The following NLGN1 variants were observed in gnomAD, a reference collection of about 807,000 sequenced individuals.
NLGN1 encodes neuroligin-1.
In NLGN1, 12 loss-of-function variants were observed where a neutral mutation model predicts 65.5. The ratio of observed to expected loss-of-function variants is 0.18; its 90% confidence interval spans 0.12 to 0.30. NLGN1 has a LOEUF of 0.30. NLGN1 is among the 10% of genes least tolerant of loss of function. NLGN1 has a pLI of 1.00. For synonymous variants in NLGN1, 350 were observed against 359.5 expected (o/e 0.97, Z 0.30); for missense variants, 750 against 1,007.1 (o/e 0.74, Z 3.46).
intron 4 of NLGN1, among the ~76,000 whole-genome samples, chr3:174,017,357 T>C (rs930438164): frequency 1.3e-5 from 2 of 152,180 alleles, no homozygotes; most frequent in Non-Finnish European, 2.9e-5. Context: ...CAGACATGTA[T>C]ACCTTAATTG....
chr3:173,881,430 T>G (rs947125647), intron 4 of NLGN1, among the ~76,000 whole-genome samples: 37 of 139,082 alleles, frequency 2.7e-4, no homozygotes, highest in African/African-American at 9.4e-4. Flanking sequence ...TTTTTTTTTT[T>G]TTTTTTTTTT....
At chr3:173,762,947 G>C (rs1778203036) in intron 3 of NLGN1, among the ~76,000 whole-genome samples, 2 of 136,336 alleles carry the variant, frequency 1.5e-5, no homozygotes, top group Admixed American at 1.5e-4. Context: ...CAATGGGATT[G>C]TGTAAATTTG....
intron 2 of NLGN1, among the ~76,000 whole-genome samples, chr3:173,490,649 A>G (rs1728965609): frequency 6.6e-6 from 1 of 152,158 alleles, no homozygotes; most frequent in Non-Finnish European, 1.5e-5. Context: ...TAGTAGCTTG[A>G]TGGAGATGGC....
chr3:174,157,578 A>G (rs1307934721), intron 4 of NLGN1, among the ~76,000 whole-genome samples: 1 of 151,832 alleles, frequency 6.6e-6, no homozygotes, highest in African/African-American at 2.4e-5. Flanking sequence ...TGCCTAACAC[A>G]ATGATGGTCT....
intron 3 of NLGN1, among the ~76,000 whole-genome samples, chr3:173,699,783 A>G (rs35458768): frequency 0.22 from 34,061 of 152,212 alleles, 4,382 homozygotes; most frequent in East Asian, 0.35. Context: ...TAATTTTTTG[A>G]GGACTGGTGA....
intron 3 of NLGN1, among the ~76,000 whole-genome samples, chr3:173,770,562 G>A (rs1479567631): frequency 2.0e-5 from 3 of 152,064 alleles, no homozygotes; most frequent in African/African-American, 2.4e-5. Context: ...TAAAATTTTA[G>A]TTCAGTGCTG....
At chr3:173,747,088 ACACAAACACAC>A (rs1775523104) in intron 3 of NLGN1, among the ~76,000 whole-genome samples, 1 of 149,724 alleles carries the variant, frequency 6.7e-6, no homozygotes, top group African/African-American at 2.5e-5. Context: ...ACACACACAC[ACACAAACACAC>A]ACGTGTGTAT....
At chr3:173,954,512 G>A (rs775583822) in intron 4 of NLGN1, among the ~76,000 whole-genome samples, 1 of 152,088 alleles carries the variant, frequency 6.6e-6, no homozygotes, top group Non-Finnish European at 1.5e-5. Flanking sequence ...TAAACTGTTA[G>A]GTTGAAGTGG....
intron 4 of NLGN1, among the ~76,000 whole-genome samples, chr3:174,080,601 G>A (rs542988900): frequency 3.3e-5 from 5 of 152,032 alleles, no homozygotes; most frequent in Admixed American, 6.6e-5. Context: ...TAATGGAGTC[G>A]TAGGTATGCT....
chr3:173,754,095 G>A (rs1330273187), intron 3 of NLGN1, among the ~76,000 whole-genome samples: 1 of 149,014 alleles, frequency 6.7e-6, no homozygotes. Context: ...CCAGAGCGGG[G>A]TAGTGCAGTG....
chr3:174,116,628 A>T (rs1716544517), intron 4 of NLGN1, among the ~76,000 whole-genome samples: 1 of 152,062 alleles, frequency 6.6e-6, no homozygotes, highest in Non-Finnish European at 1.5e-5. Flanking sequence ...ATGAGTCACC[A>T]TGCCCGCCCA....
intron 4 of NLGN1, among the ~76,000 whole-genome samples, chr3:173,997,102 T>C (rs918411460): frequency 1.3e-5 from 2 of 152,170 alleles, no homozygotes; most frequent in African/African-American, 4.8e-5. Flanking sequence ...ATTATTATAC[T>C]GTGAAACATG....
chr3:173,539,015 T>G (rs1241385493), intron 2 of NLGN1, among the ~76,000 whole-genome samples: 1 of 152,050 alleles, frequency 6.6e-6, no homozygotes, highest in African/African-American at 2.4e-5. Flanking sequence ...AGTTAGTATA[T>G]AATCATACAT....
At chr3:173,621,653 T>A (rs1577582180) in intron 3 of NLGN1, among the ~76,000 whole-genome samples, 1 of 151,986 alleles carries the variant, frequency 6.6e-6, no homozygotes, top group East Asian at 1.9e-4. Context: ...TGACTGGCAG[T>A]GGAAATAAAA....
chr3:173,692,521 A>G (rs929860561), intron 3 of NLGN1, among the ~76,000 whole-genome samples: 3 of 152,234 alleles, frequency 2.0e-5, no homozygotes, highest in East Asian at 1.9e-4. Context: ...GACTTTTTCA[A>G]CTACATTTTT....
At chr3:173,469,385 A>G (rs981004315) in intron 2 of NLGN1, among the ~76,000 whole-genome samples, 12 of 152,070 alleles carry the variant, frequency 7.9e-5, no homozygotes, top group African/African-American at 2.7e-4. Flanking sequence ...TCCTACTCCA[A>G]GTTACACTGA....
At chr3:173,677,182 A>G (rs1763280056) in intron 3 of NLGN1, among the ~76,000 whole-genome samples, 1 of 152,028 alleles carries the variant, frequency 6.6e-6, no homozygotes, top group Non-Finnish European at 1.5e-5. Context: ...AAGGTTGGCT[A>G]TTATCTGGCT....
intron 4 of NLGN1, among the ~76,000 whole-genome samples, chr3:174,102,425 A>G (rs1712746972): frequency 6.6e-6 from 1 of 152,182 alleles, no homozygotes; most frequent in Non-Finnish European, 1.5e-5. Flanking sequence ...TTTTCAAAAT[A>G]TTACAGATGT....
intron 4 of NLGN1, among the ~76,000 whole-genome samples, chr3:174,068,317 T>G (rs1739098887): frequency 6.6e-6 from 1 of 152,148 alleles, no homozygotes; most frequent in Non-Finnish European, 1.5e-5. Context: ...CCTTCCAGCC[T>G]GCAACCGTGA....
Sources: allele counts gnomAD v4.1 joint callset (sites outside exome capture counted in the v4.1 genomes callset), GRCh38; gene constraint gnomAD v4.1.1; transcripts MANE v1.5; gene names NCBI Gene and HGNC (gene_info 2026-07-23, HGNC 2026-07-21).